The following RAPGEF2 variants were observed in gnomAD, a reference collection of about 807,000 sequenced individuals.
RAPGEF2 encodes the protein Rap guanine nucleotide exchange factor 2.
RAPGEF2 carries 54 observed loss-of-function variants against 186.7 expected under a neutral mutation model. The ratio of observed to expected loss-of-function variants is 0.29; its 90% CI spans 0.23 to 0.36. The LOEUF (loss-of-function observed/expected upper bound fraction) is 0.36. RAPGEF2 is among the 10% of genes least tolerant of loss of function. The pLI is 1.00. For missense variants in RAPGEF2, 1,532 were observed against 2,045.0 expected (o/e 0.75, Z 4.84); for synonymous variants, 712 against 705.9 (o/e 1.01, Z -0.14).
chr4:159,234,507 C>T (rs569520842), intron 4 of RAPGEF2, among the ~76,000 whole-genome samples: 1 of 150,138 alleles, frequency 6.7e-6, no homozygotes, highest in Non-Finnish European at 1.5e-5. Flanking sequence ...CTCAGCCTCT[C>T]GAGTAGCTGG....
rs1454999869 is a variant in RAPGEF2, at chr4:159,358,212, C to G, written c.*73C>G. The G allele has an allele frequency of 2.7e-6, 4 of 1,457,406 alleles. No individual in the cohort carries two copies. Among genetic ancestry groups the G allele is most frequent in the Admixed American group, 2.0e-5 (1 of 51,130 alleles). The allele number at this position is 1,457,406 out of a possible 1,614,324, so 90.3% of individuals were successfully genotyped here. On this transcript the variant is annotated 3_prime_UTR_variant, in exon 30 of 30. Transcript: ENST00000691494. ...CAAGAAGACGTCCTGAGCATTGGAGCCTTGGAACTCACATTCTGAGGACGG... is the reference window on the plus strand; with the variant it reads ...CAAGAAGACGTCCTGAGCATTGGAGGCTTGGAACTCACATTCTGAGGACGG...
chr4:159,246,899 A>T (rs192725379), intron 7 of RAPGEF2, among the ~76,000 whole-genome samples: 18 of 152,078 alleles, frequency 1.2e-4, no homozygotes, highest in Admixed American at 1.2e-3. Flanking sequence ...AAGGACTTCA[A>T]ATTTTACCTT....
At chr4:159,240,499 A>G (rs1419216232) in intron 5 of RAPGEF2, among the ~76,000 whole-genome samples, 3 of 151,598 alleles carry the variant, frequency 2.0e-5, no homozygotes, top group Non-Finnish European at 4.4e-5. Flanking sequence ...ACACCCAGCT[A>G]CTTTTTTGTA....
Position 159,104,217 on chromosome 4 carries a change from G to GC in RAPGEF2, c.55_56insC (p.Glu19AlafsTer29). On this transcript the variant is annotated frameshift_variant, in exon 1 of 30. Coordinates refer to ENST00000691494, the MANE Select transcript of RAPGEF2 (RefSeq NM_001394067.2). LOFTEE classifies it high-confidence loss of function. Reference sequence around the variant, plus strand: ...CCAGGCGGTGATGAAGAATCCCCCCGAAAGGACCCCCCAGGTGAGAACGCG... The same window carrying GC: ...CCAGGCGGTGATGAAGAATCCCCCCGCAAAGGACCCCCCAGGTGAGAACGCG... 7.2e-7 allele frequency: 1 copy of GC among 1,379,314 alleles called. No individual in the cohort carries two copies. Among genetic ancestry groups the GC allele is most frequent in the Non-Finnish European group, 9.4e-7 (1 of 1,068,670 alleles). 85.4% of individuals were successfully genotyped at this position (1,379,314 alleles called of 1,614,324 possible). A position where few individuals can be genotyped will look rare whatever the true frequency, so the allele number is the denominator to read the frequency against.
intron 7 of RAPGEF2, chr4:159,267,064 T>C: frequency 1.2e-6 from 1 of 808,042 alleles, no homozygotes; most frequent in Non-Finnish European, 1.7e-6. Flanking sequence ...CCATTTGAGC[T>C]GAATATTTCA....
At chr4:159,244,466 A>C (rs1455416630) in intron 7 of RAPGEF2, among the ~76,000 whole-genome samples, 1 of 152,006 alleles carries the variant, frequency 6.6e-6, no homozygotes, top group Non-Finnish European at 1.5e-5. Context: ...ACTAAAGTAC[A>C]TTACTAAAGT....
intron 2 of RAPGEF2, among the ~76,000 whole-genome samples, chr4:159,188,855 G>C (rs1378443923): frequency 6.6e-6 from 1 of 152,166 alleles, no homozygotes; most frequent in Non-Finnish European, 1.5e-5. Context: ...AGCCTACACA[G>C]ATGTGTTTGT....
intron 1 of RAPGEF2, among the ~76,000 whole-genome samples, chr4:159,145,791 T>C (rs1742898215): frequency 6.6e-6 from 1 of 152,182 alleles, no homozygotes; most frequent in Non-Finnish European, 1.5e-5. Flanking sequence ...TACCAAGGGC[T>C]GAGCAGATCT....
rs779090343 is a variant in RAPGEF2, at chr4:159,193,233, C to A, written c.174C>A (p.His58Gln). The A allele has an allele frequency of 6.7e-7, 1 of 1,502,202 alleles. No individual in the cohort carries two copies. Among genetic ancestry groups the A allele is most frequent in the Admixed American group, 2.2e-5 (1 of 46,482 alleles). The allele number at this position is 1,502,202 out of a possible 1,614,324, so 93.1% of individuals were successfully genotyped here. A position where few individuals can be genotyped will look rare whatever the true frequency, so the allele number is the denominator to read the frequency against. Residue 58 changes from histidine (H) to glutamine (Q), a missense_variant, in exon 3 of 30, where the codon CAC becomes CAA. Transcript: ENST00000691494. ...GTGAAACTGTGAGATATGAGAGACA[C>A]GAAGCAAATGAAGTTTTATACTAGT... ...LMCETVRYERHEANEVLYYPD... is the reference protein window; with the variant it reads ...LMCETVRYERQEANEVLYYPD...
intron 29 of RAPGEF2, among the ~76,000 whole-genome samples, chr4:159,357,265 G>A (rs1334183537): frequency 6.6e-6 from 1 of 152,214 alleles, no homozygotes; most frequent in South Asian, 2.1e-4. Flanking sequence ...GGAGGCTGAA[G>A]TGGAAGGATC....
chr4:159,245,535 T>A (rs527926013), intron 7 of RAPGEF2, among the ~76,000 whole-genome samples: 1 of 152,168 alleles, frequency 6.6e-6, no homozygotes, highest in East Asian at 1.9e-4. Flanking sequence ...TGTCTCCAGG[T>A]TCAGAATAGG....
intron 1 of RAPGEF2, among the ~76,000 whole-genome samples, chr4:159,127,720 T>A (rs1740511386): frequency 6.6e-6 from 1 of 152,230 alleles, no homozygotes. Flanking sequence ...TGAAGTGTGT[T>A]TGACATTCTC....
In RAPGEF2 at chr4:159,271,728, T is replaced by C. The variant is rs183514405; in HGVS notation, c.543+27937T>C. Among the ~76,000 whole-genome samples, 15 of 152,324 alleles carry C rather than the reference T, an allele frequency of 9.8e-5. 1 individual carries two copies. The South Asian group carries it at 1.9e-3, about 19-fold the overall frequency. ...AATTATCAGAGTTAGTATTAACTAG[T>C]GGAATACACAACTTGAAAAAGTGCT... is the stretch of plus-strand genomic sequence containing the variant. On this transcript the variant is annotated intron_variant, in intron 7 of 29. Transcript: ENST00000691494.
intron 1 of RAPGEF2, among the ~76,000 whole-genome samples, chr4:159,106,237 A>G (rs905808156): frequency 1.1e-4 from 17 of 152,172 alleles, no homozygotes; most frequent in African/African-American, 4.1e-4. Context: ...CCTACCAAAC[A>G]TTTCAAACAT....
At chr4:159,277,280 TC>T (rs1376866596) in intron 7 of RAPGEF2, among the ~76,000 whole-genome samples, 1 of 152,192 alleles carries the variant, frequency 6.6e-6, no homozygotes, top group Non-Finnish European at 1.5e-5. Context: ...TACATAGTAT[TC>T]CATGGTGTAT....
At chr4:159,283,768 T>TA (rs1368209785) in intron 7 of RAPGEF2, among the ~76,000 whole-genome samples, 13 of 152,258 alleles carry the variant, frequency 8.5e-5, no homozygotes, top group Middle Eastern at 3.4e-3. Context: ...GACATTTTTT[T>TA]AAAAAAACCC....
chr4:159,349,886 A>T (rs1379375197), intron 25 of RAPGEF2, among the ~76,000 whole-genome samples: 4 of 152,178 alleles, frequency 2.6e-5, no homozygotes, highest in African/African-American at 9.7e-5. Context: ...ATCTAACGTA[A>T]AATATCAAAA....
At chr4:159,135,894 T>C (rs1297589604) in intron 1 of RAPGEF2, among the ~76,000 whole-genome samples, 1 of 152,226 alleles carries the variant, frequency 6.6e-6, no homozygotes, top group Non-Finnish European at 1.5e-5. Context: ...CCACTGTGCC[T>C]GGCCTTAATT....
At chr4:159,238,917 C>T (rs754826359) in intron 5 of RAPGEF2, 33 bp downstream of exon 5, 1 of 1,384,384 alleles carries the variant, frequency 7.2e-7, no homozygotes, top group South Asian at 1.7e-5. Flanking sequence ...TATTTTTCCC[C>T]TAAAAAATTG....
Sources: gnomAD v4.1 joint callset for allele counts (sites outside exome capture counted in the v4.1 genomes callset) on GRCh38, gnomAD v4.1.1 for gene constraint, MANE v1.5 for transcripts, NCBI Gene and HGNC (gene_info 2026-07-23, HGNC 2026-07-21) for gene names.